Variants in PLCXD2 observed in about 807,000 individuals in gnomAD.
The protein encoded by PLCXD2 is PI-PLC X domain-containing protein 2.
PLCXD2 carries 21 observed loss-of-function variants against 28.6 expected under a neutral mutation model. The ratio of observed to expected loss-of-function variants is 0.73; its 90% CI spans 0.52 to 1.06. The LOEUF (loss-of-function observed/expected upper bound fraction) is 1.06, where lower values mean the gene tolerates loss of function less well. Among genes scored for constraint, PLCXD2 ranks in the 50% least tolerant of loss-of-function variants. PLCXD2 has a pLI of 0.00. For missense variants in PLCXD2, 369 were observed against 376.7 expected (o/e 0.98, Z 0.17); for synonymous variants, 140 against 150.1 (o/e 0.93, Z 0.49).
At chr3:111,716,126 C>G (rs1356736051) in intron 3 of PLCXD2, among the ~76,000 whole-genome samples, 1 of 152,202 alleles carries the variant, frequency 6.6e-6, no homozygotes, top group Admixed American at 6.5e-5. Context: ...ATCTCGCCCC[C>G]CTGCCGGCCA....
At chr3:111,708,435 C>T (rs1269354808) in intron 2 of PLCXD2, 49 bp downstream of exon 2, 1 of 1,509,928 alleles carries the variant, frequency 6.6e-7, no homozygotes, top group Admixed American at 1.8e-5. Context: ...TTTAACTCTT[C>T]CTGCTTTTCC....
At chr3:111,681,625 A>T (rs1940716485) in intron 1 of PLCXD2, among the ~76,000 whole-genome samples, 1 of 152,178 alleles carries the variant, frequency 6.6e-6, no homozygotes, top group South Asian at 2.1e-4. Context: ...CTTAGCTATG[A>T]CGTTAGCCTC....
intron 3 of PLCXD2, 37 bp downstream of exon 3, chr3:111,714,165 T>TA: frequency 1.3e-6 from 2 of 1,596,086 alleles, no homozygotes; most frequent in Admixed American, 1.7e-5. Flanking sequence ...GAAAGCTTTT[T>TA]AAAAAATATT....
At chr3:111,717,982 T>C (rs1941290793) in intron 3 of PLCXD2, among the ~76,000 whole-genome samples, 2 of 137,680 alleles carry the variant, frequency 1.5e-5, no homozygotes, top group Middle Eastern at 3.4e-3. Context: ...CCAGTTATGA[T>C]TCCTTACCTT....
chr3:111,698,861 T>C (rs1423370047), intron 1 of PLCXD2, among the ~76,000 whole-genome samples: 1 of 152,070 alleles, frequency 6.6e-6, no homozygotes, highest in East Asian at 1.9e-4. Context: ...ATTCCTTATT[T>C]CCCCCCCTCC....
At position 111,678,129 on chromosome 3, in the gene PLCXD2, C is replaced by T. The variant is rs147878189; in HGVS notation, c.163+2721C>T. On this transcript the variant is annotated intron_variant, in intron 1 of 4. Transcript: ENST00000477665. Reference sequence around the variant, plus strand: ...AAATGAGATGGAGTAAACTATGCCACGTTTGAGTGCACCTGCTGCCTTTGC... The same window carrying T: ...AAATGAGATGGAGTAAACTATGCCATGTTTGAGTGCACCTGCTGCCTTTGC... Among the ~76,000 whole-genome samples the T allele has an allele frequency of 6.8e-3, 1,036 of 152,258 alleles. 11 individuals are homozygous for T. Among genetic ancestry groups the T allele is most frequent in the African/African-American group, 0.024 (1,003 of 41,548 alleles).
chr3:111,721,008 C>T (rs1941338239), intron 3 of PLCXD2: 1 of 401,412 alleles, frequency 2.5e-6, no homozygotes, highest in East Asian at 3.6e-5. Flanking sequence ...TTTTTTTCTC[C>T]CTTCCTCACA....
intron 1 of PLCXD2, among the ~76,000 whole-genome samples, chr3:111,688,424 C>T (rs920903033): frequency 6.6e-6 from 1 of 152,220 alleles, no homozygotes; most frequent in Admixed American, 6.5e-5. Context: ...GTCCTCTTCT[C>T]ATGGACAGTG....
chr3:111,705,841 T>C (rs1346522038), intron 1 of PLCXD2, among the ~76,000 whole-genome samples: 2 of 151,018 alleles, frequency 1.3e-5, no homozygotes, highest in Non-Finnish European at 3.0e-5. Flanking sequence ...GACCAGGAGG[T>C]TGAGGCTGAA....
intron 1 of PLCXD2, chr3:111,692,627 G>C (rs975805334): frequency 6.6e-6 from 1 of 152,162 alleles, no homozygotes; most frequent in African/African-American, 2.4e-5. Context: ...CATTGACCCA[G>C]TTTTAGAAGT....
chr3:111,718,528 GATAGATTGATT>G (rs1941304628), intron 3 of PLCXD2, among the ~76,000 whole-genome samples: 2 of 91,818 alleles, frequency 2.2e-5, no homozygotes, highest in Non-Finnish European at 4.9e-5. Flanking sequence ...TAGATAGATA[GATAGATTGATT>G]GATTTATGAT....
chr3:111,681,670 A>G (rs1343888874), intron 1 of PLCXD2, among the ~76,000 whole-genome samples: 1 of 152,182 alleles, frequency 6.6e-6, no homozygotes, highest in Admixed American at 6.5e-5. Context: ...ATCTCAATAC[A>G]TGCTATCGTT....
chr3:111,676,298 G>C (rs1439052731), intron 1 of PLCXD2, among the ~76,000 whole-genome samples: 3 of 152,186 alleles, frequency 2.0e-5, no homozygotes, highest in Non-Finnish European at 4.4e-5. Context: ...TTCACTCGGA[G>C]ACATAACAAT....
At chr3:111,681,632 C>T (rs779000904) in intron 1 of PLCXD2, among the ~76,000 whole-genome samples, 14 of 152,172 alleles carry the variant, frequency 9.2e-5, no homozygotes, top group Non-Finnish European at 1.8e-4. Context: ...ATGACGTTAG[C>T]CTCAGCCTCA....
chr3:111,717,697 G>T (rs907461027), intron 3 of PLCXD2, among the ~76,000 whole-genome samples: 1 of 152,142 alleles, frequency 6.6e-6, no homozygotes, highest in African/African-American at 2.4e-5. Context: ...AGCCTTTAAG[G>T]CTCATTTCCC....
chr3:111,687,837 A>C (rs1940817779), intron 1 of PLCXD2, among the ~76,000 whole-genome samples: 1 of 152,062 alleles, frequency 6.6e-6, no homozygotes, highest in Non-Finnish European at 1.5e-5. Context: ...GGCACATGCC[A>C]TCACACCTGG....
chr3:111,676,484 A>G lies in PLCXD2; in HGVS notation c.163+1076A>G, dbSNP rs148563603. Among the ~76,000 whole-genome samples, 18 of 152,246 alleles carry G rather than the reference A, an allele frequency of 1.2e-4. No individual in the cohort carries two copies. The East Asian group carries it at 3.5e-3, about 29-fold the overall frequency. ...ATGAGGAAGAGCAGTGGTGGCTTCA[A>G]ATGCAGGCTTTTCTTTACTCACCTC... On this transcript the variant is annotated intron_variant, in intron 1 of 4. Coordinates refer to ENST00000477665, the MANE Select transcript of PLCXD2 (RefSeq NM_001185106.1).
Position 111,714,208 on chromosome 3 carries a change from A to C in PLCXD2, c.866+80A>C, listed in dbSNP as rs1941238278. On this transcript the variant is annotated intron_variant, in intron 3 of 4. Transcript: ENST00000477665. ...ATTCTATTCTGAGTAAATCGCAGTAAAGCCATGTAGTCTGAGGAGTTAGAA... is the reference window on the plus strand; with the variant it reads ...ATTCTATTCTGAGTAAATCGCAGTACAGCCATGTAGTCTGAGGAGTTAGAA... 28 of 1,487,742 alleles carry C rather than the reference A, an allele frequency of 1.9e-5. 1 individual carries two copies. The South Asian group carries it at 3.7e-4, about 20-fold the overall frequency. 92.2% of individuals were successfully genotyped at this position (1,487,742 alleles called of 1,614,324 possible).
intron 1 of PLCXD2, among the ~76,000 whole-genome samples, chr3:111,680,844 A>G (rs1940702589): frequency 6.6e-6 from 1 of 152,208 alleles, no homozygotes; most frequent in African/African-American, 2.4e-5. Flanking sequence ...AACACAGGTA[A>G]TCTATGCACC....
Sources: gnomAD v4.1 joint callset for allele counts (sites outside exome capture counted in the v4.1 genomes callset) on GRCh38, gnomAD v4.1.1 for gene constraint, MANE v1.5 for transcripts, NCBI Gene and HGNC (gene_info 2026-07-23, HGNC 2026-07-21) for gene names.